CPE: variants seen among roughly 807,000 people sequenced by gnomAD.
The protein encoded by CPE is carbocypeptidase E.
Under a neutral mutation model 53.5 loss-of-function variants are expected in CPE, and 17 were observed. The ratio of observed to expected loss-of-function variants is 0.32; its 90% CI spans 0.22 to 0.48. The LOEUF is 0.48. Ranked by LOEUF, CPE falls within the 20% of genes least tolerant of loss-of-function variation. The probability of loss-of-function intolerance (pLI) is 0.99; values close to 1 mark genes in which losing one functional copy is unlikely to be tolerated. For missense variants in CPE, 524 were observed against 614.7 expected (o/e 0.85, Z 1.56); for synonymous variants, 226 against 228.8 (o/e 0.99, Z 0.11).
intron 1 of CPE, among the ~76,000 whole-genome samples, chr4:165,380,293 C>T (rs572537659): frequency 3.3e-5 from 5 of 152,258 alleles, no homozygotes; most frequent in African/African-American, 1.2e-4. Context: ...TCCATTTTCT[C>T]TGCTATAACC....
At chr4:165,477,883 C>T (rs1732331336) in intron 3 of CPE, among the ~76,000 whole-genome samples, 2 of 152,156 alleles carry the variant, frequency 1.3e-5, no homozygotes, top group Non-Finnish European at 2.9e-5. Context: ...GAGATCCATG[C>T]TCTCCTTGTT....
chr4:165,454,494 G>T (rs1016366837), intron 1 of CPE, among the ~76,000 whole-genome samples: 1 of 152,164 alleles, frequency 6.6e-6, no homozygotes, highest in Admixed American at 6.5e-5. Context: ...TGTTGATTTT[G>T]TTTTAGGTAG....
chr4:165,456,784 C>T (rs559389616), intron 1 of CPE, among the ~76,000 whole-genome samples: 42 of 149,278 alleles, frequency 2.8e-4, no homozygotes, highest in Middle Eastern at 3.4e-3. Context: ...CTCTGTCGCC[C>T]AGGCTGGAGT....
chr4:165,391,941 C>A (rs1381075329), intron 1 of CPE, among the ~76,000 whole-genome samples: 1 of 151,946 alleles, frequency 6.6e-6, no homozygotes, highest in Non-Finnish European at 1.5e-5. Context: ...GGACTTTATT[C>A]TAAGCTAGTA....
intron 3 of CPE, among the ~76,000 whole-genome samples, chr4:165,478,642 C>T (rs995615290): frequency 2.6e-5 from 4 of 152,222 alleles, no homozygotes; most frequent in Non-Finnish European, 5.9e-5. Context: ...ACACCATTAA[C>T]ATTTTGATAC....
chr4:165,436,778 G>T (rs1025006873), intron 1 of CPE, among the ~76,000 whole-genome samples: 8 of 152,144 alleles, frequency 5.3e-5, no homozygotes, highest in South Asian at 2.1e-4. Context: ...AGCTGAGACT[G>T]CAGGCATGTG....
At chr4:165,492,640 G>A (rs1283280933) in intron 6 of CPE, among the ~76,000 whole-genome samples, 1 of 152,124 alleles carries the variant, frequency 6.6e-6, no homozygotes, top group Non-Finnish European at 1.5e-5. Flanking sequence ...AGCAAGCAGG[G>A]GGTACGTGAC....
chr4:165,475,461 G>A (rs1271089956), intron 3 of CPE, among the ~76,000 whole-genome samples: 2 of 152,194 alleles, frequency 1.3e-5, no homozygotes, highest in Admixed American at 6.5e-5. Context: ...CTTTGCTGCT[G>A]CACAAATGCA....
chr4:165,404,317 T>C, intron 1 of CPE: 1 of 771,938 alleles, frequency 1.3e-6, no homozygotes, highest in Non-Finnish European at 2.4e-6. Flanking sequence ...CATTCACAAA[T>C]CTTGTCAGCA....
At chr4:165,387,586 G>A (rs924918645) in intron 1 of CPE, among the ~76,000 whole-genome samples, 2 of 152,058 alleles carry the variant, frequency 1.3e-5, no homozygotes, top group African/African-American at 4.8e-5. Context: ...CAAGGCGGGT[G>A]GATCACGAGG....
intron 1 of CPE, among the ~76,000 whole-genome samples, chr4:165,388,133 C>G (rs950936645): frequency 6.6e-6 from 1 of 152,180 alleles, no homozygotes; most frequent in African/African-American, 2.4e-5. Context: ...TAGTCACTGC[C>G]ATTGTGTAAT....
intron 1 of CPE, among the ~76,000 whole-genome samples, chr4:165,455,216 G>A (rs1176796580): frequency 6.6e-6 from 1 of 152,204 alleles, no homozygotes; most frequent in Non-Finnish European, 1.5e-5. Context: ...AATCATAGTT[G>A]CTGCCACAAG....
At chr4:165,395,931 G>A (rs990129794) in intron 1 of CPE, among the ~76,000 whole-genome samples, 4 of 152,142 alleles carry the variant, frequency 2.6e-5, no homozygotes, top group African/African-American at 9.7e-5. Context: ...CTTCTCTTAA[G>A]TAAACAAAAA....
chr4:165,426,614 T>C (rs572210973), intron 1 of CPE, among the ~76,000 whole-genome samples: 87 of 152,318 alleles, frequency 5.7e-4, no homozygotes, highest in Admixed American at 2.4e-3. Flanking sequence ...CCAATTATTT[T>C]AGAAGTAGGA....
At chr4:165,470,213 A>G (rs1258048139) in intron 3 of CPE, among the ~76,000 whole-genome samples, 1 of 152,232 alleles carries the variant, frequency 6.6e-6, no homozygotes, top group Non-Finnish European at 1.5e-5. Flanking sequence ...CAAGCAGGCA[A>G]CTTGAGAGAT....
At chr4:165,439,692 AT>A (rs1433775285) in intron 1 of CPE, among the ~76,000 whole-genome samples, 1 of 152,160 alleles carries the variant, frequency 6.6e-6, no homozygotes, top group Non-Finnish European at 1.5e-5. Context: ...GAGACTTCTA[AT>A]CAAAGAATTA....
At chr4:165,478,031 G>A (rs1732334093) in intron 3 of CPE, among the ~76,000 whole-genome samples, 1 of 152,190 alleles carries the variant, frequency 6.6e-6, no homozygotes, top group South Asian at 2.1e-4. Flanking sequence ...GCCTTGGCCT[G>A]AAAGCAGAGT....
Position 165,411,671 on chromosome 4 carries a change from C to T in CPE, c.307+32143C>T, listed in dbSNP as rs191361316. On this transcript the variant is annotated intron_variant, in intron 1 of 8. Transcript: ENST00000402744. Reference sequence around the variant, plus strand: ...GCTTGAGGGGGTTTTCTCATGGAGACCTCAATACCTGTGGAATGTAGGGCA... The same window carrying T: ...GCTTGAGGGGGTTTTCTCATGGAGATCTCAATACCTGTGGAATGTAGGGCA... 4.7e-4 allele frequency among the ~76,000 whole-genome samples: 71 copies of T among 152,206 alleles called. 1 individual carries two copies. In the East Asian group the frequency reaches 0.012, roughly 25 times the overall value.
intron 1 of CPE, among the ~76,000 whole-genome samples, chr4:165,411,803 T>C (rs149835501): frequency 1.3e-5 from 2 of 152,150 alleles, no homozygotes; most frequent in African/African-American, 4.8e-5. Flanking sequence ...GTAAGTAGTT[T>C]AGTGGATTCT....
Sources: allele counts gnomAD v4.1 joint callset (sites outside exome capture counted in the v4.1 genomes callset), GRCh38; gene constraint gnomAD v4.1.1; transcripts MANE v1.5; gene names NCBI Gene and HGNC (gene_info 2026-07-23, HGNC 2026-07-21).